The following SRPK2 variants were observed in gnomAD, a reference collection of about 807,000 sequenced individuals.
SRPK2 encodes SRSF protein kinase 2, also known as SFRS protein kinase 2.
A neutral mutation model predicts 90.8 loss-of-function variants in SRPK2; 21 were observed. The ratio of observed to expected loss-of-function variants is 0.23; its 90% CI spans 0.16 to 0.33. SRPK2 has a LOEUF of 0.33. Ranked by LOEUF, SRPK2 falls within the 10% of genes least tolerant of loss-of-function variation. SRPK2 has a pLI of 1.00. For synonymous variants in SRPK2, 288 were observed against 311.1 expected (o/e 0.93, Z 0.78); for missense variants, 620 against 869.0 (o/e 0.71, Z 3.60).
At chr7:105,307,871 G>A (rs1811310792) in intron 2 of SRPK2, among the ~76,000 whole-genome samples, 1 of 152,142 alleles carries the variant, frequency 6.6e-6, no homozygotes, top group Non-Finnish European at 1.5e-5. Flanking sequence ...AACAGTATGA[G>A]CTTTGGTACA....
chr7:105,320,313 A>C (rs1302726576), intron 2 of SRPK2, among the ~76,000 whole-genome samples: 2 of 152,190 alleles, frequency 1.3e-5, no homozygotes, highest in Non-Finnish European at 2.9e-5. Flanking sequence ...TCTAATACAA[A>C]AATTTTACCA....
intron 11 of SRPK2, among the ~76,000 whole-genome samples, chr7:105,136,405 G>A (rs550095469): frequency 2.6e-5 from 4 of 152,296 alleles, no homozygotes; most frequent in East Asian, 1.9e-4. Flanking sequence ...CCTGTCACAC[G>A]GTTTCCTTCT....
chr7:105,341,480 C>G (rs1321834843), intron 2 of SRPK2, among the ~76,000 whole-genome samples: 2 of 151,946 alleles, frequency 1.3e-5, no homozygotes, highest in African/African-American at 4.8e-5. Context: ...TGGGACCAGC[C>G]TGGTCAGCAT....
intron 13 of SRPK2, among the ~76,000 whole-genome samples, chr7:105,128,125 C>G (rs1319347818): frequency 2.6e-5 from 4 of 152,106 alleles, no homozygotes; most frequent in Non-Finnish European, 5.9e-5. Context: ...TTTAACAAAC[C>G]AAGAGTGAGT....
intron 2 of SRPK2, chr7:105,244,765 G>A (rs1801358587): frequency 8.0e-6 from 8 of 995,168 alleles, no homozygotes; most frequent in Non-Finnish European, 8.0e-6. Flanking sequence ...AACACACCAA[G>A]TTTGTGCGGG....
chr7:105,147,557 T>G (rs960926048), intron 7 of SRPK2, among the ~76,000 whole-genome samples: 1 of 152,170 alleles, frequency 6.6e-6, no homozygotes, highest in African/African-American at 2.4e-5. Flanking sequence ...GACCTTGTGA[T>G]CCACCTGTCT....
In SRPK2 at chr7:105,126,996, C is replaced by T. The variant is rs769267206; in HGVS notation, c.1819G>A (p.Glu607Lys). 1.9e-6 allele frequency: 3 copies of T among 1,614,188 alleles called. No individual in the cohort carries two copies. Among genetic ancestry groups the T allele is most frequent in the Non-Finnish European group, 2.5e-6 (3 of 1,180,006 alleles). ...PHSGEDYSRD[E>K]DHIAHIIELL... ...TTCAGCAGGCACCAATACTCACCTT[C>T]GTCTCTGGAATAGTCTTCCCCAGAA... The change falls in exon 14 of 16, where the codon GAA (glutamate) becomes AAA (lysine). Residue 607 changes from glutamate to lysine, a missense_variant. Around this residue, in one of 8 missense-constraint regions of SRPK2, gnomAD observed 71 missense variants for 123.1 expected, o/e 0.58. Coordinates refer to ENST00000393651, the MANE Select transcript of SRPK2 (RefSeq NM_182692.3).
intron 2 of SRPK2, among the ~76,000 whole-genome samples, chr7:105,314,293 C>T (rs1295002958): frequency 6.6e-6 from 1 of 152,156 alleles, no homozygotes; most frequent in African/African-American, 2.4e-5. Context: ...GATCGCACCA[C>T]TGCACTCCAG....
chr7:105,231,892 C>CT (rs1195535997), intron 2 of SRPK2, among the ~76,000 whole-genome samples: 5 of 152,218 alleles, frequency 3.3e-5, no homozygotes, highest in Non-Finnish European at 5.9e-5. Context: ...GGGTCTCACT[C>CT]TGTCACCTAG....
chr7:105,343,261 C>A (rs1816038135), intron 2 of SRPK2, among the ~76,000 whole-genome samples: 1 of 151,994 alleles, frequency 6.6e-6, no homozygotes, highest in Non-Finnish European at 1.5e-5. Context: ...TAATGAAACC[C>A]CATCTTTACA....
intron 3 of SRPK2, among the ~76,000 whole-genome samples, chr7:105,183,464 G>A (rs989825212): frequency 1.3e-5 from 2 of 151,942 alleles, no homozygotes; most frequent in Admixed American, 6.6e-5. Flanking sequence ...AATGGCTAGC[G>A]GGTTTTTTTT....
At chr7:105,146,402 T>A in intron 8 of SRPK2, 91 bp downstream of exon 8, 1 of 1,347,410 alleles carries the variant, frequency 7.4e-7, no homozygotes, top group East Asian at 2.4e-5. Context: ...CTTCCTTATG[T>A]GTAACGTTTG....
intron 2 of SRPK2, among the ~76,000 whole-genome samples, chr7:105,372,023 T>C (rs1317344403): frequency 6.6e-6 from 1 of 151,306 alleles, no homozygotes; most frequent in Non-Finnish European, 1.5e-5. Flanking sequence ...TAGTCCCAGT[T>C]ACTCAGGAGG....
intron 2 of SRPK2, chr7:105,301,479 C>A: frequency 1.9e-6 from 2 of 1,047,992 alleles, no homozygotes; most frequent in Non-Finnish European, 3.0e-6. Context: ...TTCGTTGTTG[C>A]AAGCACCGTC....
chr7:105,273,437 T>C (rs1329880754), intron 2 of SRPK2, among the ~76,000 whole-genome samples: 3 of 151,596 alleles, frequency 2.0e-5, no homozygotes, highest in African/African-American at 4.8e-5. Flanking sequence ...TTTTCTTTTT[T>C]TTTTTTGAGA....
At chr7:105,290,460 T>C (rs1347618115) in intron 2 of SRPK2, among the ~76,000 whole-genome samples, 4 of 152,102 alleles carry the variant, frequency 2.6e-5, no homozygotes, top group African/African-American at 9.7e-5. Context: ...ACTGCGCCAC[T>C]GCACTCAGGT....
intron 2 of SRPK2, among the ~76,000 whole-genome samples, chr7:105,300,495 T>C (rs997638785): frequency 6.6e-6 from 1 of 152,114 alleles, no homozygotes; most frequent in Non-Finnish European, 1.5e-5. Context: ...CTGTAACCAT[T>C]TTCAAGGCCA....
At chr7:105,200,452 A>T (rs1284708385) in intron 3 of SRPK2, among the ~76,000 whole-genome samples, 3 of 152,182 alleles carry the variant, frequency 2.0e-5, no homozygotes, top group African/African-American at 7.2e-5. Context: ...CCACTGAATA[A>T]AACAGAGATC....
Position 105,203,625 on chromosome 7 carries a change from C to G in SRPK2, c.229+3G>C, listed in dbSNP as rs1413168606. 2.0e-6 allele frequency: 3 copies of G among 1,483,624 alleles called. No individual in the cohort carries two copies. The South Asian group carries it at 4.2e-5, about 21-fold the overall frequency. The allele number at this position is 1,483,624 out of a possible 1,614,324, so 91.9% of individuals were successfully genotyped here. A position where few individuals can be genotyped will look rare whatever the true frequency, so the allele number is the denominator to read the frequency against. On this transcript the variant is annotated splice_donor_region_variant and intron_variant, in intron 3 of 15. Transcript: ENST00000393651. ...CCCCACACCACCATGCTTGGCACATCACCTTTGCAGTAGTCCGCAGGGTCC... is the reference window on the plus strand; with the variant it reads ...CCCCACACCACCATGCTTGGCACATGACCTTTGCAGTAGTCCGCAGGGTCC...
Sources: allele counts gnomAD v4.1 joint callset (sites outside exome capture counted in the v4.1 genomes callset), GRCh38; gene constraint gnomAD v4.1.1; regional missense constraint gnomAD v4.1.1; transcripts MANE v1.5; gene names NCBI Gene and HGNC (gene_info 2026-07-23, HGNC 2026-07-21).